Variants in RHD observed in about 807,000 individuals in gnomAD.
RHD encodes the protein Rh blood group D antigen.
In RHD, 16 loss-of-function variants were observed where a neutral mutation model predicts 45.5. The ratio of observed to expected loss-of-function variants is 0.35; its 90% confidence interval spans 0.24 to 0.53. The LOEUF is 0.53. RHD is among the 20% of genes least tolerant of loss of function. The probability of loss-of-function intolerance (pLI) is 0.92; values close to 1 mark genes in which losing one functional copy is unlikely to be tolerated. For synonymous variants in RHD, 131 were observed against 217.5 expected (o/e 0.60, Z 3.50); for missense variants, 306 against 532.0 (o/e 0.58, Z 4.18).
Position 25,329,449 on chromosome 1 carries a change from G to C in RHD, c.*525G>C, listed in dbSNP as rs1172085798. On this transcript the variant is annotated 3_prime_UTR_variant, in exon 10 of 10. Coordinates refer to ENST00000328664, the MANE Select transcript of RHD (RefSeq NM_016124.6). ...GTAAAGATGGGGTTTCACCATGTTG[G>C]CCAGGCTGATCTCAAACTCCTGACC... 5.1e-5 allele frequency: 12 copies of C among 233,640 alleles called. 2 individuals are homozygous for C. Among genetic ancestry groups the C allele is most frequent in the Non-Finnish European group, 8.1e-5 (9 of 110,528 alleles). The allele number at this position is 233,640 out of a possible 1,614,324, so 14.5% of individuals were successfully genotyped here.
chr1:25,296,945 G>A (rs2124661797), intron 3 of RHD, among the ~76,000 whole-genome samples: 1 of 130,878 alleles, frequency 7.6e-6, no homozygotes, highest in East Asian at 2.0e-4. Context: ...CCTAAAACAA[G>A]GGGACATTCT....
chr1:25,306,361 G>C (rs540388171), intron 6 of RHD, among the ~76,000 whole-genome samples: 1 of 131,708 alleles, frequency 7.6e-6, no homozygotes, highest in South Asian at 2.3e-4. Flanking sequence ...GCATCACCTG[G>C]GACCTTGTTA....
rs1452704520 is a variant in RHD at position 25,301,767 on chromosome 1, C to A, written c.801+81C>A. ...ATTTATGCCCCTCCCCACCCCAGGG[C>A]CAGCGTGGGTTGGGAGAGGGCATGC... is the stretch of plus-strand genomic sequence containing the variant. On this transcript the variant is annotated intron_variant, in intron 5 of 9. Coordinates refer to ENST00000328664, the MANE Select transcript of RHD (RefSeq NM_016124.6). 4.8e-6 allele frequency: 5 copies of A among 1,040,618 alleles called. 2 individuals carry two copies. The highest frequency in any genetic ancestry group is 3.6e-5 in the Admixed American group (2 of 55,066). The allele number at this position is 1,040,618 out of a possible 1,614,324, so 64.5% of individuals were successfully genotyped here.
intron 9 of RHD, 38 bp from the exon 10 acceptor site, chr1:25,328,860 G>A: frequency 1.0e-6 from 1 of 1,001,406 alleles, no homozygotes; most frequent in African/African-American, 1.8e-5. Flanking sequence ...CAGTATGTGG[G>A]TTCATCTGCA....
intron 4 of RHD, 67 bp downstream of exon 4, chr1:25,301,160 G>A: frequency 7.6e-7 from 1 of 1,307,936 alleles, no homozygotes; most frequent in East Asian, 2.3e-5. Context: ...AAAGGCTCTG[G>A]CTGAAAAAAT....
At chr1:25,297,901 C>G (rs1450669275) in intron 3 of RHD, among the ~76,000 whole-genome samples, 2 of 131,638 alleles carry the variant, frequency 1.5e-5, no homozygotes, top group Non-Finnish European at 3.6e-5. Context: ...CAGGAGGGCA[C>G]TAGAACTGGC....
In RHD at chr1:25,279,895, C is replaced by G. The variant is rs1356506595; in HGVS notation, c.149-4678C>G. On this transcript the variant is annotated intron_variant, in intron 1 of 9. Transcript: ENST00000328664. The stretch of plus-strand genomic sequence containing the variant: ...AACACCTTAGAGCCCATCAGCTTAT[C>G]AAACCAGCAGCTGATGTGAGTGCAG... Among the ~76,000 whole-genome samples, 2 of 129,338 alleles carry G rather than the reference C, an allele frequency of 1.5e-5. 1 individual carries two copies. The highest frequency in any genetic ancestry group is 3.6e-5 in the Non-Finnish European group (2 of 55,260). The allele number at this position is 129,338 out of a possible 152,430, so 84.9% of individuals were successfully genotyped here.
rs1191264563 is a variant in RHD, at chr1:25,299,036, C to G, written c.487-1910C>G. Among the ~76,000 whole-genome samples, 3 of 112,830 alleles carry G rather than the reference C, an allele frequency of 2.7e-5. 1 individual carries two copies. The highest frequency in any genetic ancestry group is 1.8e-4 in the Admixed American group (2 of 11,240). 74.0% of individuals were successfully genotyped at this position (112,830 alleles called of 152,430 possible). A position where few individuals can be genotyped will look rare whatever the true frequency, so the allele number is the denominator to read the frequency against. On this transcript the variant is annotated intron_variant, in intron 3 of 9. Transcript: ENST00000328664. ...GGCAGGGTGCTGGGAGGGCTGTTTACCAGCCACGCTGTTTAGAATTGTCAG... is the reference window on the plus strand; with the variant it reads ...GGCAGGGTGCTGGGAGGGCTGTTTAGCAGCCACGCTGTTTAGAATTGTCAG...
In RHD at chr1:25,323,006, ATCTGCCGGACACAAACG is replaced by A. The variant is rs1178931724; in HGVS notation, c.1227+1045_1227+1061del. Among the ~76,000 whole-genome samples the A allele has an allele frequency of 3.1e-4, 17 of 54,298 alleles. 1 individual carries two copies. Among genetic ancestry groups the A allele is most frequent in the African/African-American group, 9.5e-4 (17 of 17,856 alleles). 35.6% of individuals were successfully genotyped at this position (54,298 alleles called of 152,430 possible). ...GACAGGTGCGGGGGCTCTGGGTGCT[ATCTGCCGGACACAAACG>A]CAGGGGCACTAGAGTACTATCACCC... is the stretch of plus-strand genomic sequence containing the variant. On this transcript the variant is annotated intron_variant, in intron 9 of 9. Transcript: ENST00000328664.
rs1643249535 is a variant in RHD at position 25,299,885 on chromosome 1, G to C, written c.487-1061G>C. On this transcript the variant is annotated intron_variant, in intron 3 of 9. Coordinates refer to ENST00000328664, the MANE Select transcript of RHD (RefSeq NM_016124.6). ...CTGCATCAGCCTCCCAGGTAGATAG[G>C]ATTACAAGCAAGCATCACCACGCCT... Among the ~76,000 whole-genome samples the C allele has an allele frequency of 1.5e-5, 2 of 131,140 alleles. 1 individual carries two copies. The highest frequency in any genetic ancestry group is 4.6e-4 in the South Asian group (2 of 4,336). 86.0% of individuals were successfully genotyped at this position (131,140 alleles called of 152,430 possible). A position where few individuals can be genotyped will look rare whatever the true frequency, so the allele number is the denominator to read the frequency against.
In RHD at chr1:25,290,675, C is replaced by G. The variant is rs779613913; in HGVS notation, c.370C>G (p.Leu124Val). The G allele has an allele frequency of 7.3e-7, 1 of 1,378,342 alleles. No homozygotes were observed. The highest frequency in any genetic ancestry group is 1.4e-5 in the African/African-American group (1 of 70,850). 85.4% of individuals were successfully genotyped at this position (1,378,342 alleles called of 1,614,324 possible). A position where few individuals can be genotyped will look rare whatever the true frequency, so the allele number is the denominator to read the frequency against. The part of the protein sequence containing the change: ...RLATMSALSV[L>V]ISVDAVLGKV... ...GGCCACCATGAGTGCTTTGTCGGTG[C>G]TGATCTCAGTGGATGCTGTCTTGGG... Residue 124 changes from leucine (L) to valine (V), a missense_variant, in exon 3 of 10, where the codon CTG (leucine) becomes GTG (valine). Coordinates refer to ENST00000328664, the MANE Select transcript of RHD (RefSeq NM_016124.6).
chr1:25,316,156 A>G lies in RHD; in HGVS notation c.1074-844A>G, dbSNP rs1453023867. Among the ~76,000 whole-genome samples the G allele has an allele frequency of 2.3e-5, 3 of 130,902 alleles. 1 individual carries two copies. The highest frequency in any genetic ancestry group is 7.9e-5 in the African/African-American group (3 of 37,944). 85.9% of individuals were successfully genotyped at this position (130,902 alleles called of 152,430 possible). A position where few individuals can be genotyped will look rare whatever the true frequency, so the allele number is the denominator to read the frequency against. ...ACATTCAGCATCCAAGGGCCCCCGTAATAGCTTAATGTTTGAATTGAACCC... is the reference window on the plus strand; with the variant it reads ...ACATTCAGCATCCAAGGGCCCCCGTGATAGCTTAATGTTTGAATTGAACCC... On this transcript the variant is annotated intron_variant, in intron 7 of 9. Transcript: ENST00000328664.
Position 25,291,270 on chromosome 1 carries a change from ACCAG to A in RHD, c.486+482_486+485del, listed in dbSNP as rs1185110403. 1.5e-5 allele frequency among the ~76,000 whole-genome samples: 2 copies of A among 130,576 alleles called. 1 individual carries two copies. The highest frequency in any genetic ancestry group is 3.6e-5 in the Non-Finnish European group (2 of 55,242). 85.7% of individuals were successfully genotyped at this position (130,576 alleles called of 152,430 possible). ...GATCACCTGAGGTCAGGAGTTCAAG[ACCAG>A]CCTGGTCAACATGGGGGAACCTCAT... On this transcript the variant is annotated intron_variant, in intron 3 of 9. Transcript: ENST00000328664.
At chr1:25,287,988 A>G (rs1158430462) in intron 2 of RHD, among the ~76,000 whole-genome samples, 2 of 132,218 alleles carry the variant, frequency 1.5e-5, no homozygotes, top group African/African-American at 2.6e-5. Flanking sequence ...CTCCCAAAGT[A>G]CTGGGATTAC....
chr1:25,319,976 A>ACG (rs1557565396), intron 8 of RHD, among the ~76,000 whole-genome samples: 4 of 130,666 alleles, frequency 3.1e-5, no homozygotes, highest in African/African-American at 7.8e-5. Flanking sequence ...TCGGCTCACT[A>ACG]CAACCTCAGC....
chr1:25,286,152 G>A lies in RHD; in HGVS notation c.335+1393G>A, dbSNP rs182479103. On this transcript the variant is annotated intron_variant, in intron 2 of 9. Coordinates refer to ENST00000328664, the MANE Select transcript of RHD (RefSeq NM_016124.6). ...ATGAAACACAGTCTAGCCAGCTCCC[G>A]ATTGGCCCTGGAGGGAAAAAACTTT... 2.9e-4 allele frequency among the ~76,000 whole-genome samples: 39 copies of A among 135,238 alleles called. No individual in the cohort carries two copies. The East Asian group carries it at 6.6e-3, about 23-fold the overall frequency. The allele number at this position is 135,238 out of a possible 152,430, so 88.7% of individuals were successfully genotyped here.
rs1172854088 is a variant in RHD at position 25,279,550 on chromosome 1, C to T, written c.149-5023C>T. ...GCTCTGTGACTTGGACTAGTTATAG[C>T]ACCTCTCTGTGCCTCCCTTTCCCCA... On this transcript the variant is annotated intron_variant, in intron 1 of 9. Transcript: ENST00000328664. Among the ~76,000 whole-genome samples the T allele has an allele frequency of 3.1e-5, 4 of 128,522 alleles. 1 individual carries two copies. The highest frequency in any genetic ancestry group is 7.3e-5 in the Non-Finnish European group (4 of 55,106). The allele number at this position is 128,522 out of a possible 152,430, so 84.3% of individuals were successfully genotyped here.
At position 25,310,544 on chromosome 1, in the gene RHD, A is replaced by G. The variant is rs1644087370; in HGVS notation, c.1073+3815A>G. ...ATAGCAACAGAATATGGACAAAGAAAGAAAATTAATGCAAGAAGTAGAGTT... is the reference window on the plus strand; with the variant it reads ...ATAGCAACAGAATATGGACAAAGAAGGAAAATTAATGCAAGAAGTAGAGTT... On this transcript the variant is annotated intron_variant, in intron 7 of 9. Coordinates refer to ENST00000328664, the MANE Select transcript of RHD (RefSeq NM_016124.6). Among the ~76,000 whole-genome samples the G allele has an allele frequency of 1.5e-5, 2 of 131,656 alleles. 1 individual carries two copies. Among genetic ancestry groups the G allele is most frequent in the Non-Finnish European group, 3.6e-5 (2 of 55,436 alleles). The allele number at this position is 131,656 out of a possible 152,430, so 86.4% of individuals were successfully genotyped here. A position where few individuals can be genotyped will look rare whatever the true frequency, so the allele number is the denominator to read the frequency against.
In RHD at chr1:25,300,580, C is replaced by T. The variant is rs1469700149; in HGVS notation, c.487-366C>T. Among the ~76,000 whole-genome samples the T allele has an allele frequency of 1.0e-4, 13 of 129,056 alleles. 2 individuals carry two copies. The highest frequency in any genetic ancestry group is 2.2e-4 in the Admixed American group (3 of 13,344). The allele number at this position is 129,056 out of a possible 152,430, so 84.7% of individuals were successfully genotyped here. On this transcript the variant is annotated intron_variant, in intron 3 of 9. Transcript: ENST00000328664. ...ATCCCAGCACTTTGGGAGGCCGAGG[C>T]GGGTGGATCGCCTGAGGTCAGGAGT...
Sources: allele counts gnomAD v4.1 joint callset (sites outside exome capture counted in the v4.1 genomes callset), GRCh38; gene constraint gnomAD v4.1.1; transcripts MANE v1.5; gene names NCBI Gene and HGNC (gene_info 2026-07-23, HGNC 2026-07-21).